GRIK2: variants seen among roughly 807,000 people sequenced by gnomAD.
GRIK2 encodes the protein glutamate ionotropic receptor kainate type subunit 2, also known as glutamate receptor ionotropic, kainate 2.
GRIK2 carries 32 observed loss-of-function variants against 100.3 expected under a neutral mutation model. The observed-to-expected ratio is 0.32, with a 90% confidence interval of 0.24 to 0.43. The LOEUF is 0.43. GRIK2 is among the 20% of genes least tolerant of loss of function. The probability of loss-of-function intolerance (pLI) is 1.00; values close to 1 mark genes in which losing one functional copy is unlikely to be tolerated. For synonymous variants in GRIK2, 417 were observed against 389.4 expected, an observed-to-expected ratio of 1.07 and a Z score of -0.83; for missense variants, 843 against 1,114.9, an observed-to-expected ratio of 0.76 and a Z score of 3.47.
intron 2 of GRIK2, among the ~76,000 whole-genome samples, chr6:101,464,641 C>G (rs1213541713): frequency 6.7e-6 from 1 of 150,144 alleles, no homozygotes; most frequent in African/African-American, 2.4e-5. Context: ...CTCAGCCTCC[C>G]GAATAGCTGG....
chr6:101,629,876 C>T (rs1279042957), intron 4 of GRIK2, among the ~76,000 whole-genome samples: 5 of 152,014 alleles, frequency 3.3e-5, no homozygotes, highest in Non-Finnish European at 4.4e-5. Flanking sequence ...TCCCTCCCCA[C>T]GCTTGTAGTC....
chr6:101,576,097 GATATT>G (rs1747135599), intron 2 of GRIK2, among the ~76,000 whole-genome samples: 1 of 151,924 alleles, frequency 6.6e-6, no homozygotes, highest in African/African-American at 2.4e-5. Context: ...ATTATGATAG[GATATT>G]ATATCACATT....
chr6:101,588,656 A>ACACACG (rs554445634), intron 2 of GRIK2, among the ~76,000 whole-genome samples: 2,801 of 143,236 alleles, frequency 0.02, 82 homozygotes, highest in African/African-American at 0.068. Context: ...ACTGCATGAC[A>ACACACG]CACACGCACA....
chr6:101,479,658 A>G (rs533626032), intron 2 of GRIK2, among the ~76,000 whole-genome samples: 1 of 152,278 alleles, frequency 6.6e-6, no homozygotes, highest in South Asian at 2.1e-4. Flanking sequence ...GTAGATTATC[A>G]ATATGAATGT....
chr6:101,999,600 CT>C lies in GRIK2; in HGVS notation c.2086-35733del, dbSNP rs938718767. On this transcript the variant is annotated intron_variant, in intron 14 of 16. Coordinates refer to ENST00000369134, the MANE Select transcript of GRIK2 (RefSeq NM_021956.5). ...CTCTTATTAGTTCAAGAAGATTTTT[CT>C]TTTTTTTGTAGAGTAATATGTTGTC... Among the ~76,000 whole-genome samples, 52 of 151,438 alleles carry C rather than the reference CT, an allele frequency of 3.4e-4. 1 individual carries two copies. The highest frequency in any genetic ancestry group is 1.2e-3 in the African/African-American group (48 of 41,300).
intron 4 of GRIK2, among the ~76,000 whole-genome samples, chr6:101,647,001 G>A (rs2128326835): frequency 6.6e-6 from 1 of 151,996 alleles, no homozygotes; most frequent in South Asian, 2.1e-4. Context: ...TAAACACTTA[G>A]CATGCATTTC....
intron 4 of GRIK2, among the ~76,000 whole-genome samples, chr6:101,633,102 A>T (rs1348125215): frequency 5.3e-5 from 8 of 152,104 alleles, no homozygotes; most frequent in Admixed American, 5.2e-4. Flanking sequence ...ATAAAAAGCT[A>T]GCGTAGGAGA....
At chr6:102,059,686 GGATT>G (rs1280614962) in intron 16 of GRIK2, among the ~76,000 whole-genome samples, 2 of 150,514 alleles carry the variant, frequency 1.3e-5, no homozygotes, top group Admixed American at 6.7e-5. Flanking sequence ...TTTATAACAT[GGATT>G]GTTTAAAATT....
chr6:101,674,534 G>T (rs566149991), intron 4 of GRIK2, among the ~76,000 whole-genome samples: 3 of 152,102 alleles, frequency 2.0e-5, no homozygotes, highest in African/African-American at 7.2e-5. Flanking sequence ...CGTCATAGCC[G>T]AACATTAAAC....
At chr6:101,987,466 G>A (rs1280413148) in intron 14 of GRIK2, among the ~76,000 whole-genome samples, 4 of 151,282 alleles carry the variant, frequency 2.6e-5, no homozygotes, top group Non-Finnish European at 4.4e-5. Context: ...TAGTAAGTTC[G>A]CTTTCTGTAA....
At chr6:101,549,505 TG>T (rs1161477984) in intron 2 of GRIK2, among the ~76,000 whole-genome samples, 1 of 152,124 alleles carries the variant, frequency 6.6e-6, no homozygotes, top group African/African-American at 2.4e-5. Flanking sequence ...ATATATACAA[TG>T]ACCTTACTCA....
intron 14 of GRIK2, among the ~76,000 whole-genome samples, chr6:101,933,785 T>C (rs1790440923): frequency 6.6e-6 from 1 of 151,952 alleles, no homozygotes; most frequent in African/African-American, 2.4e-5. Flanking sequence ...TACAGGGCAG[T>C]CAAAGGTTTA....
chr6:101,668,409 A>G (rs9498663), intron 4 of GRIK2, among the ~76,000 whole-genome samples: 93,856 of 151,990 alleles, frequency 0.62, 30,943 homozygotes, highest in Non-Finnish European at 0.75. Flanking sequence ...TCTCTTCTCT[A>G]TTTTTACAGC....
At chr6:101,749,772 T>C (rs1032331561) in intron 7 of GRIK2, among the ~76,000 whole-genome samples, 15 of 151,814 alleles carry the variant, frequency 9.9e-5, no homozygotes, top group Non-Finnish European at 2.1e-4. Flanking sequence ...AAGCTAACTA[T>C]TGCTTACTGA....
chr6:101,581,669 A>G (rs1201891288), intron 2 of GRIK2, among the ~76,000 whole-genome samples: 1 of 152,158 alleles, frequency 6.6e-6, no homozygotes, highest in African/African-American at 2.4e-5. Flanking sequence ...AAATAAGAAT[A>G]CTCCATGCCT....
chr6:101,526,841 G>A (rs1016123467), intron 2 of GRIK2, among the ~76,000 whole-genome samples: 1 of 152,154 alleles, frequency 6.6e-6, no homozygotes, highest in African/African-American at 2.4e-5. Context: ...GGGGTTCGGA[G>A]GAGGCAACAC....
intron 15 of GRIK2, among the ~76,000 whole-genome samples, chr6:102,035,903 T>A (rs1770243406): frequency 6.6e-6 from 1 of 151,410 alleles, no homozygotes; most frequent in Admixed American, 6.6e-5. Context: ...TGTAACAATT[T>A]ACTTTTTTAA....
At chr6:101,518,340 A>G (rs1403843774) in intron 2 of GRIK2, among the ~76,000 whole-genome samples, 1 of 152,134 alleles carries the variant, frequency 6.6e-6, no homozygotes, top group Non-Finnish European at 1.5e-5. Flanking sequence ...TGACTTTCTT[A>G]TGTACTCTGA....
intron 14 of GRIK2, among the ~76,000 whole-genome samples, chr6:102,025,220 A>G (rs1769628793): frequency 6.6e-6 from 1 of 151,182 alleles, no homozygotes; most frequent in Admixed American, 6.6e-5. Context: ...AATTTATTCA[A>G]TAAGTATCTA....
Sources: gnomAD v4.1 joint callset for allele counts (sites outside exome capture counted in the v4.1 genomes callset) on GRCh38, gnomAD v4.1.1 for gene constraint, MANE v1.5 for transcripts, NCBI Gene and HGNC (gene_info 2026-07-23, HGNC 2026-07-21) for gene names.